DKKL1: variants seen among roughly 807,000 people sequenced by gnomAD.
DKKL1 encodes dickkopf like acrosomal protein 1.
A neutral mutation model predicts 16.5 loss-of-function variants in DKKL1; 11 were observed. That is an observed-to-expected ratio of 0.67 (90% CI 0.42 to 1.10). The LOEUF (loss-of-function observed/expected upper bound fraction) is 1.10. Among genes scored for constraint, DKKL1 ranks in the 50% least tolerant of loss-of-function variants. The pLI, the probability that DKKL1 is intolerant of heterozygous loss-of-function variation, is 0.00. For synonymous variants in DKKL1, 119 were observed against 133.2 expected, an observed-to-expected ratio of 0.89 and a Z score of 0.73; for missense variants, 320 against 308.1, an observed-to-expected ratio of 1.04 and a Z score of -0.29.
intron 4 of DKKL1, chr19:49,370,699 A>G (rs1213884995): frequency 6.6e-6 from 1 of 152,268 alleles, no homozygotes; most frequent in Non-Finnish European, 1.5e-5. Context: ...TCCCATAGAT[A>G]ATCCAGTGAA....
intron 4 of DKKL1, 92 bp downstream of exon 4, chr19:49,365,977 G>T: frequency 8.3e-7 from 1 of 1,209,902 alleles, no homozygotes; most frequent in South Asian, 1.5e-5. Flanking sequence ...ACCCAGGCTG[G>T]AGTGCAGTGG....
At position 49,367,438 on chromosome 19, in the gene DKKL1, C is replaced by T. The variant is rs537559825; in HGVS notation, c.417+1553C>T. ...TTTTTTTTTTTTGGAGACGAAGTCT[C>T]GCTCGTCCCCCAGGCTGGAGTGCAA... On this transcript the variant is annotated intron_variant, in intron 4 of 4. Transcript: ENST00000221498. Among the ~76,000 whole-genome samples the T allele has an allele frequency of 8.3e-4, 118 of 141,380 alleles. 1 individual carries two copies. The South Asian group carries it at 8.5e-3, about 10-fold the overall frequency. The allele number at this position is 141,380 out of a possible 152,430, so 92.8% of individuals were successfully genotyped here.
At chr19:49,364,176 C>G (rs1973148327) in intron 1 of DKKL1, among the ~76,000 whole-genome samples, 168 bp downstream of exon 1, 1 of 152,056 alleles carries the variant, frequency 6.6e-6, no homozygotes, top group South Asian at 2.1e-4. Context: ...ATGTCGAAAC[C>G]CTGTCTCTAC....
rs1215365225 is a variant in DKKL1 at position 49,374,817 on chromosome 19, A to T, written c.518A>T (p.Lys173Met). ...LHPRVAFWII[K>M]LPRRRSHQDA... The stretch of plus-strand genomic sequence containing the variant: ...CCCCGGGTGGCCTTCTGGATCATTA[A>T]GCTGCCACGGCGGAGGTCCCACCAG... Residue 173 changes from lysine to methionine, a missense_variant, in exon 5 of 5, where the codon AAG becomes ATG. Transcript: ENST00000221498. The T allele has an allele frequency of 6.2e-7, 1 of 1,613,522 alleles. No individual in the cohort carries two copies. Among genetic ancestry groups the T allele is most frequent in the East Asian group, 2.2e-5 (1 of 44,866 alleles).
At chr19:49,371,395 A>G (rs1462636325) in intron 4 of DKKL1, among the ~76,000 whole-genome samples, 1 of 152,162 alleles carries the variant, frequency 6.6e-6, no homozygotes, top group African/African-American at 2.4e-5. Flanking sequence ...TTCTTTCTTT[A>G]ACCTGTTTTA....
At chr19:49,360,841 C>CAG (rs1244579866), upstream of DKKL1, among the ~76,000 whole-genome samples, 15 of 102,682 alleles carry the variant, frequency 1.5e-4, no homozygotes, top group African/African-American at 6.4e-4. Context: ...GGACAGAGAC[C>CAG]AGAGAGAGAG....
chr19:49,373,371 T>G (rs952547698), intron 4 of DKKL1, among the ~76,000 whole-genome samples: 1 of 151,958 alleles, frequency 6.6e-6, no homozygotes, highest in Non-Finnish European at 1.5e-5. Context: ...TCTTCACCAA[T>G]TATATCTTCA....
At chr19:49,363,771 C>G, upstream of DKKL1, 2 of 615,806 alleles carry the variant, frequency 3.2e-6, no homozygotes, top group South Asian at 1.8e-5. Flanking sequence ...AGGGCGTGGT[C>G]ATGGAGTAGA....
chr19:49,363,310 A>C (rs938221257), upstream of DKKL1: 1 of 154,392 alleles, frequency 6.5e-6, no homozygotes, highest in African/African-American at 2.4e-5. Flanking sequence ...GACTGGATTT[A>C]GGGTTTCCGG....
At chr19:49,363,852 C>T, upstream of DKKL1, 1 of 1,185,972 alleles carries the variant, frequency 8.4e-7, no homozygotes, top group African/African-American at 1.5e-5. Context: ...CTACGGCTCG[C>T]GGAGCGCAAC....
Position 49,364,591 on chromosome 19 carries a change from C to A in DKKL1, c.20C>A (p.Pro7His). 1 of 1,610,862 alleles carries A rather than the reference C, an allele frequency of 6.2e-7. No homozygotes were observed. The stretch of plus-strand genomic sequence containing the variant: ...CCGACCCTTGCCACAGCCTCCCCAC[C>A]TGCCCCCGCAAGGCGGCATCTGCTG... MGEASPPAPARRHLLVL... is the reference protein window; with the variant it reads MGEASPHAPARRHLLVL... The change falls in exon 2 of 5, where the codon CCT (proline) becomes CAT (histidine). Residue 7 changes from proline (P) to histidine (H), a missense_variant. Physicochemically the swap from Pro to His is moderately conservative, Grantham distance 77 (BLOSUM62 -2). Transcript: ENST00000221498.
At chr19:49,366,260 G>C (rs1973247155) in intron 4 of DKKL1, among the ~76,000 whole-genome samples, 2 of 152,048 alleles carry the variant, frequency 1.3e-5, no homozygotes, top group African/African-American at 4.8e-5. Context: ...AGTTTAGGAG[G>C]ACAAGAAGAG....
intron 4 of DKKL1, among the ~76,000 whole-genome samples, chr19:49,372,537 C>CA (rs1475609914): frequency 2.6e-5 from 4 of 151,562 alleles, no homozygotes; most frequent in Non-Finnish European, 4.4e-5. Context: ...AGTAAAAATA[C>CA]AAAAAAATTA....
chr19:49,365,394 G>C, intron 2 of DKKL1, 115 bp from the exon 3 acceptor site: 7 of 1,298,806 alleles, frequency 5.4e-6, no homozygotes, highest in Non-Finnish European at 7.2e-6. Flanking sequence ...AGAAAGTAAA[G>C]GGGATGGGAG....
chr19:49,363,502 G>C, upstream of DKKL1: 1 of 227,426 alleles, frequency 4.4e-6, no homozygotes, highest in East Asian at 1.3e-4. Context: ...GGGACGCAGG[G>C]GCGTGGTCCA....
chr19:49,363,337 T>C (rs1375164405), upstream of DKKL1: 1 of 154,564 alleles, frequency 6.5e-6, no homozygotes, highest in Non-Finnish European at 1.4e-5. Context: ...CGGGACTTTT[T>C]AGTGGAGCGG....
Position 49,375,050 on chromosome 19 carries a change from T to A in DKKL1, c.*22T>A. ...GTAGGGGTGGGGACCGGGGAGCACC[T>A]GCCTGTAGCCCCCATCAGACCCTGC... On this transcript the variant is annotated 3_prime_UTR_variant, in exon 5 of 5. Coordinates refer to ENST00000221498, the MANE Select transcript of DKKL1 (RefSeq NM_014419.4). 6.3e-7 allele frequency: 1 copy of A among 1,579,276 alleles called. No homozygotes were observed. The highest frequency in any genetic ancestry group is 8.6e-7 in the Non-Finnish European group (1 of 1,162,954).
rs1476230418 is a variant in DKKL1 at position 49,374,998 on chromosome 19, G to A, written c.699G>A (p.Leu233=). 10 of 1,612,250 alleles carry A rather than the reference G, an allele frequency of 6.2e-6. No individual in the cohort carries two copies. The highest frequency in any genetic ancestry group is 8.5e-6 in the Non-Finnish European group (10 of 1,179,362). ...SRLSPRKTHL[L]YILRPSRQL ...TGTCCCCCCGAAAGACCCACTTACTGTACATCCTCAGGCCCTCTCGGCAGC... is the reference window on the plus strand; with the variant it reads ...TGTCCCCCCGAAAGACCCACTTACTATACATCCTCAGGCCCTCTCGGCAGC... Residue 233 remains leucine, a synonymous_variant, in exon 5 of 5, where the codon CTG becomes CTA. Coordinates refer to ENST00000221498, the MANE Select transcript of DKKL1 (RefSeq NM_014419.4).
At chr19:49,365,326 T>C (rs372941327) in intron 2 of DKKL1, among the ~76,000 whole-genome samples, 183 bp from the exon 3 acceptor site, 2 of 151,422 alleles carry the variant, frequency 1.3e-5, no homozygotes, top group African/African-American at 4.9e-5. Flanking sequence ...GGACTGAGAA[T>C]AGAGAGAGAA....
Sources: gnomAD v4.1 joint callset for allele counts (sites outside exome capture counted in the v4.1 genomes callset) on GRCh38, gnomAD v4.1.1 for gene constraint, MANE v1.5 for transcripts, NCBI Gene and HGNC (gene_info 2026-07-23, HGNC 2026-07-21) for gene names.